The following FOXP2 variants were observed in gnomAD, a reference collection of about 807,000 sequenced individuals.
FOXP2 encodes the protein forkhead box P2.
FOXP2 carries 12 observed loss-of-function variants against 115.8 expected under a neutral mutation model. The observed-to-expected ratio is 0.10, with a 90% CI of 0.07 to 0.17. FOXP2 has a LOEUF of 0.17. Ranked by LOEUF, FOXP2 falls within the 10% of genes least tolerant of loss-of-function variation. FOXP2 has a pLI of 1.00. For missense variants in FOXP2, 629 were observed against 843.5 expected, an observed-to-expected ratio of 0.75 and a Z score of 3.15; for synonymous variants, 328 against 297.7, an observed-to-expected ratio of 1.10 and a Z score of -1.05.
chr7:114,386,189 G>A (rs1441978018), intron 2 of FOXP2, among the ~76,000 whole-genome samples: 2 of 152,168 alleles, frequency 1.3e-5, no homozygotes, highest in South Asian at 2.1e-4. Context: ...GATGGTGAGC[G>A]AAAGCTCAGC....
In FOXP2 at chr7:114,540,938, T is replaced by G. The variant is rs529475455; in HGVS notation, c.258+6232T>G. Among the ~76,000 whole-genome samples the G allele has an allele frequency of 7.2e-5, 11 of 152,178 alleles. No individual in the cohort carries two copies. In the South Asian group the frequency reaches 2.3e-3, roughly 32 times the overall value. On this transcript the variant is annotated intron_variant, in intron 3 of 16. Coordinates refer to ENST00000350908, the MANE Select transcript of FOXP2 (RefSeq NM_014491.4). ...AATGTCAAGCCAAGAAGTCAGTATT[T>G]TATAGATTGGGTAGAAGGGGCTATT... is the stretch of plus-strand genomic sequence containing the variant.
chr7:114,205,357 G>A (rs919077087), intron 1 of FOXP2, among the ~76,000 whole-genome samples: 2 of 152,168 alleles, frequency 1.3e-5, no homozygotes, highest in Non-Finnish European at 2.9e-5. Context: ...GACTAAAAGA[G>A]TATATTTGAA....
At chr7:114,495,975 A>T (rs904423844) in intron 2 of FOXP2, among the ~76,000 whole-genome samples, 4 of 152,194 alleles carry the variant, frequency 2.6e-5, no homozygotes, top group African/African-American at 9.7e-5. Flanking sequence ...AAATTATCAT[A>T]GAGCAGGTTT....
At chr7:114,212,119 T>TAAAATAAAATAA (rs1554431721) in intron 1 of FOXP2, among the ~76,000 whole-genome samples, 4 of 48,298 alleles carry the variant, frequency 8.3e-5, no homozygotes, top group Non-Finnish European at 3.1e-4. Flanking sequence ...TAAAATAAAA[T>TAAAATAAAATAA]AAAATATATA....
intron 3 of FOXP2, among the ~76,000 whole-genome samples, chr7:114,621,094 G>C (rs986038206): frequency 2.6e-5 from 4 of 151,824 alleles, no homozygotes; most frequent in Admixed American, 1.3e-4. Context: ...CTGAAATTTG[G>C]GGTGTTAATT....
intron 16 of FOXP2, among the ~76,000 whole-genome samples, chr7:114,671,542 A>G (rs919070790): frequency 3.9e-5 from 6 of 152,226 alleles, no homozygotes; most frequent in African/African-American, 1.4e-4. Context: ...GTACTTTGTT[A>G]GAACATACAA....
intron 2 of FOXP2, among the ~76,000 whole-genome samples, chr7:114,306,049 C>T (rs1291325939): frequency 6.6e-6 from 1 of 152,046 alleles, no homozygotes; most frequent in African/African-American, 2.4e-5. Context: ...TAAGCCATCA[C>T]TTTCTGTGCT....
rs1301803790 is a variant in FOXP2, at chr7:114,257,502, G to T, written c.-101-30517G>T. Among the ~76,000 whole-genome samples the T allele has an allele frequency of 7.1e-5, 10 of 140,864 alleles. No individual in the cohort carries two copies. In the Admixed American group the frequency reaches 7.7e-4, roughly 11 times the overall value. 92.4% of individuals were successfully genotyped at this position (140,864 alleles called of 152,430 possible). Reference sequence around the variant, plus strand: ...GGAGTCTTGCTCTGTTGCCCAGGCTGGAGTGCAGTGGCACGATCTCAGCTC... The same window carrying T: ...GGAGTCTTGCTCTGTTGCCCAGGCTTGAGTGCAGTGGCACGATCTCAGCTC... On this transcript the variant is annotated intron_variant, in intron 1 of 17. Transcript: ENST00000634411.
At chr7:114,547,853 A>G (rs1458281383) in intron 3 of FOXP2, among the ~76,000 whole-genome samples, 1 of 152,202 alleles carries the variant, frequency 6.6e-6, no homozygotes, top group Non-Finnish European at 1.5e-5. Context: ...ATTGGTATAT[A>G]ATTTTTATGA....
At chr7:114,512,607 A>G (rs1165747146) in intron 2 of FOXP2, among the ~76,000 whole-genome samples, 1 of 152,154 alleles carries the variant, frequency 6.6e-6, no homozygotes, top group African/African-American at 2.4e-5. Context: ...TGTAGGGAGG[A>G]CAGAGTGAAT....
chr7:114,148,877 C>A (rs766271151), intron 1 of FOXP2, among the ~76,000 whole-genome samples: 1 of 152,068 alleles, frequency 6.6e-6, no homozygotes, highest in African/African-American at 2.4e-5. Flanking sequence ...AGGTTTTCAT[C>A]CTTGTTTGGA....
At chr7:114,661,621 T>G (rs1314952644) in intron 13 of FOXP2, among the ~76,000 whole-genome samples, 1 of 152,120 alleles carries the variant, frequency 6.6e-6, no homozygotes, top group Non-Finnish European at 1.5e-5. Context: ...CTTATTTGCA[T>G]AAAGCTTTGT....
At chr7:114,090,270 A>C (rs1239210724) in intron 1 of FOXP2, among the ~76,000 whole-genome samples, 1 of 151,950 alleles carries the variant, frequency 6.6e-6, no homozygotes, top group East Asian at 1.9e-4. Flanking sequence ...AAGTCAGTTG[A>C]ATTCAGAAAT....
chr7:114,137,901 A>G (rs531069413), intron 1 of FOXP2, among the ~76,000 whole-genome samples: 2 of 152,274 alleles, frequency 1.3e-5, no homozygotes, highest in Admixed American at 6.5e-5. Flanking sequence ...AGCAACAGAC[A>G]TTAGTAGTGG....
Position 114,285,613 on chromosome 7 carries a change from A to G in FOXP2, c.-101-2406A>G, listed in dbSNP as rs549415674. On this transcript the variant is annotated intron_variant, in intron 1 of 17. Coordinates refer to the FOXP2 transcript ENST00000634411. Reference sequence around the variant, plus strand: ...TAATTTATGCTTTTGTTAGCAGTAAACAAGAGTTCTCATCTTTCTATATTC... The same window carrying G: ...TAATTTATGCTTTTGTTAGCAGTAAGCAAGAGTTCTCATCTTTCTATATTC... Among the ~76,000 whole-genome samples, 6 of 152,234 alleles carry G rather than the reference A, an allele frequency of 3.9e-5. No homozygotes were observed. In the East Asian group the frequency reaches 1.2e-3, roughly 29 times the overall value.
intron 3 of FOXP2, among the ~76,000 whole-genome samples, chr7:114,536,397 C>CTTTTTTT (rs3997242): frequency 6.9e-4 from 77 of 112,142 alleles, no homozygotes; most frequent in East Asian, 8.1e-4. Context: ...TTTTTCTTTT[C>CTTTTTTT]TTTTTTTTTT....
At chr7:114,322,289 C>CT (rs990291351) in intron 2 of FOXP2, among the ~76,000 whole-genome samples, 8 of 151,282 alleles carry the variant, frequency 5.3e-5, no homozygotes, top group Admixed American at 5.3e-4. Context: ...TCCCCAAGTG[C>CT]TGGGATTACA....
intron 1 of FOXP2, among the ~76,000 whole-genome samples, chr7:114,137,786 A>G (rs184451145): frequency 1.3e-5 from 2 of 152,318 alleles, no homozygotes; most frequent in East Asian, 3.9e-4. Context: ...TTAGCTTAAT[A>G]TAAATACAAA....
At chr7:114,091,206 CA>C (rs1799536287) in intron 1 of FOXP2, among the ~76,000 whole-genome samples, 1 of 151,570 alleles carries the variant, frequency 6.6e-6, no homozygotes, top group Admixed American at 6.6e-5. Flanking sequence ...ACAAAACAAA[CA>C]AACAAAAAAG....
Sources: gnomAD v4.1 joint callset for allele counts (sites outside exome capture counted in the v4.1 genomes callset) on GRCh38, gnomAD v4.1.1 for gene constraint, MANE v1.5 for transcripts, NCBI Gene and HGNC (gene_info 2026-07-23, HGNC 2026-07-21) for gene names.